The following EPHB6 variants were observed in gnomAD, a reference collection of about 807,000 sequenced individuals.
EPHB6 encodes ephrin type-B receptor 6.
Under a neutral mutation model 107.0 loss-of-function variants are expected in EPHB6, and 51 were observed. That is an observed-to-expected ratio of 0.48 (90% confidence interval 0.38 to 0.60). The LOEUF (loss-of-function observed/expected upper bound fraction) is 0.60, where lower values mean the gene tolerates loss of function less well. Among genes scored for constraint, EPHB6 ranks in the 20% least tolerant of loss-of-function variants. The pLI, the probability that EPHB6 is intolerant of heterozygous loss-of-function variation, is 0.00. For missense variants in EPHB6, 1,141 were observed against 1,355.5 expected, an observed-to-expected ratio of 0.84 and a Z score of 2.48; for synonymous variants, 553 against 549.0, an observed-to-expected ratio of 1.01 and a Z score of -0.10.
rs1586156837 is a variant in EPHB6 at position 142,863,647 on chromosome 7, C to T, written c.117C>T (p.Thr39=). Residue 39 remains threonine, a synonymous_variant, in exon 6 of 20, where the codon ACC becomes ACT. Coordinates refer to ENST00000652003, the MANE Select transcript of EPHB6 (RefSeq NM_004445.6). The part of the protein sequence containing the change: ...VLALEEVLLD[T]TGETSEIGWL... ...TCTGGGCAGAGGTATTGCTGGACAC[C>T]ACCGGAGAGACATCTGAGATTGGCT... The T allele has an allele frequency of 6.2e-7, 1 of 1,613,874 alleles. No individual in the cohort carries two copies. The highest frequency in any genetic ancestry group is 1.1e-5 in the South Asian group (1 of 91,072).
intron 1 of EPHB6, among the ~76,000 whole-genome samples, chr7:142,859,520 G>A (rs1429869495): frequency 6.6e-6 from 1 of 152,036 alleles, no homozygotes; most frequent in Non-Finnish European, 1.5e-5. Flanking sequence ...CTGCAACAGG[G>A]GTACACCCAT....
chr7:142,862,942 G>C (rs868307797), intron 4 of EPHB6, 109 bp downstream of exon 4: 12 of 501,086 alleles, frequency 2.4e-5, no homozygotes, highest in African/African-American at 1.7e-4. Flanking sequence ...ACTCCAAGAT[G>C]GTCAAATGTG....
rs2116473776 is a variant in EPHB6, at chr7:142,868,739, G to A, written c.2286G>A (p.Arg762=). 3.7e-6 allele frequency: 6 copies of A among 1,613,828 alleles called. No individual in the cohort carries two copies. Among genetic ancestry groups the A allele is most frequent in the Non-Finnish European group, 5.1e-6 (6 of 1,180,020 alleles). Residue 762 remains arginine (R), a splice_region_variant and synonymous_variant, in exon 15 of 20, where the codon AGG becomes AGA. Coordinates refer to ENST00000652003, the MANE Select transcript of EPHB6 (RefSeq NM_004445.6). This position sits in a 1 kb window ranked among gnomAD's most constrained non-coding sequence, Gnocchi z 4.2. ...TTGGCCCCCTGGACAGCTTCCTCAGGGTCAGTCCAGCCTGGGTGAAGGAGG... is the reference window on the plus strand; with the variant it reads ...TTGGCCCCCTGGACAGCTTCCTCAGAGTCAGTCCAGCCTGGGTGAAGGAGG... ...MELGPLDSFL[R]QREGQFSSLQ... is the part of the protein sequence containing the mutation.
At chr7:142,860,641 A>G (rs780249839) in intron 1 of EPHB6, among the ~76,000 whole-genome samples, 1 of 152,214 alleles carries the variant, frequency 6.6e-6, no homozygotes, top group Non-Finnish European at 1.5e-5. Context: ...AATTTGCCAT[A>G]TGGAAATGCT....
rs763847812 is a variant in EPHB6 at position 142,866,283 on chromosome 7, G to T, written c.1429G>T (p.Ala477Ser). 2.1e-5 allele frequency: 34 copies of T among 1,613,828 alleles called. No homozygotes were observed. The highest frequency in any genetic ancestry group is 2.5e-5 in the Non-Finnish European group (30 of 1,180,000). Residue 477 changes from alanine (A) to serine (S), a missense_variant, in exon 9 of 20, where the codon GCT (alanine) becomes TCT (serine). Coordinates refer to ENST00000652003, the MANE Select transcript of EPHB6 (RefSeq NM_004445.6). This position sits in a 1 kb window ranked among gnomAD's most constrained non-coding sequence, Gnocchi z 5.2. ...VSELSPDPPQ[A>S]AAINVSTSHE... ...TGAGCTCAGCCCTGACCCTCCTCAG[G>T]CTGCAGCCATCAATGTCAGCACCAG...
Position 142,866,899 on chromosome 7 carries a change from C to T in EPHB6, c.1588-7C>T, listed in dbSNP as rs759076637. The T allele has an allele frequency of 1.1e-5, 18 of 1,613,760 alleles. No homozygotes were observed. The Admixed American group carries it at 2.3e-4, about 21-fold the overall frequency. On this transcript the variant is annotated splice_polypyrimidine_tract_variant and splice_region_variant and intron_variant, in intron 10 of 19. Transcript: ENST00000652003. The surrounding 1 kb of genome is among the most constrained non-coding windows in gnomAD (Gnocchi z 5.2). ...CCAGGCAGGGAGTGAGTGGCTGTTA[C>T]CCCCAGGCAGAAGACGAATCCCACT...
chr7:142,865,691 G>A (rs1803120949), intron 8 of EPHB6, 61 bp downstream of exon 8: 1 of 1,592,238 alleles, frequency 6.3e-7, no homozygotes, highest in Non-Finnish European at 8.5e-7. Flanking sequence ...AGAAGTGGGG[G>A]TAGCAGGCAA....
chr7:142,864,053 G>A lies in EPHB6; in HGVS notation c.253G>A (p.Gly85Arg), dbSNP rs748259666. The A allele has an allele frequency of 1.3e-5, 21 of 1,613,988 alleles. No individual in the cohort carries two copies. The highest frequency in any genetic ancestry group is 2.2e-5 in the South Asian group (2 of 91,090). Residue 85 changes from glycine (G) to arginine (R), a missense_variant, in exon 7 of 20, where the codon GGG becomes AGG. Coordinates refer to ENST00000652003, the MANE Select transcript of EPHB6 (RefSeq NM_004445.6). ...CHVAGAPPGT[G>R]QDNWLQTHFV... ...TGTGGCAGGGGCCCCTCCAGGCACC[G>A]GGCAGGACAATTGGTTGCAGACACA... is the stretch of plus-strand genomic sequence containing the variant.
chr7:142,862,283 G>C (rs568346854), intron 3 of EPHB6, 150 bp downstream of exon 3: 14 of 152,262 alleles, frequency 9.2e-5, no homozygotes, highest in African/African-American at 3.1e-4. Flanking sequence ...TGAATGGAGG[G>C]GGGGCACAAA....
At chr7:142,861,457 TA>T in intron 2 of EPHB6, among the ~76,000 whole-genome samples, 1 of 152,228 alleles carries the variant, frequency 6.6e-6, no homozygotes, top group Non-Finnish European at 1.5e-5. Flanking sequence ...CAATGAAAGT[TA>T]AGTCTCCCTT....
intron 5 of EPHB6, 80 bp downstream of exon 5, chr7:142,863,407 A>G: frequency 7.7e-6 from 11 of 1,426,134 alleles, no homozygotes; most frequent in Non-Finnish European, 1.1e-5. Context: ...GATTTAGAAA[A>G]GGTAGATAAG....
rs1184839117 is a variant in EPHB6, at chr7:142,866,677, G to A, written c.1587+72G>A. The A allele has an allele frequency of 2.7e-5, 44 of 1,611,038 alleles. No individual in the cohort carries two copies. The Admixed American group carries it at 3.7e-4, about 13-fold the overall frequency. Reference sequence around the variant, plus strand: ...ATAGGCCTCACAGTGGGGCCCAGAGGTGACCAGGTGCACAGGAGGAATGAG... The same window carrying A: ...ATAGGCCTCACAGTGGGGCCCAGAGATGACCAGGTGCACAGGAGGAATGAG... On this transcript the variant is annotated intron_variant, in intron 10 of 19. Transcript: ENST00000652003. This position sits in a 1 kb window ranked among gnomAD's most constrained non-coding sequence, Gnocchi z 5.2.
chr7:142,858,602 AT>A (rs58084930), intron 1 of EPHB6, among the ~76,000 whole-genome samples: 4,514 of 130,054 alleles, frequency 0.035, 229 homozygotes, highest in African/African-American at 0.12. Flanking sequence ...CGCCCAGCTA[AT>A]TTTTTTTTTT....
In EPHB6 at chr7:142,863,254, A is replaced by G. The variant is rs1802931806; in HGVS notation, c.27A>G (p.Leu9=). ...TGGCTACTGAAGGGGCTGCCCAGTT[A>G]GGGAACAGAGTGGCGGGCATGGTGT... The part of the protein sequence containing the change: MATEGAAQ[L]GNRVAGMVCS... The change falls in exon 5 of 20, where the codon TTA becomes TTG. Residue 9 remains leucine, a synonymous_variant. Coordinates refer to ENST00000652003, the MANE Select transcript of EPHB6 (RefSeq NM_004445.6). The G allele has an allele frequency of 6.2e-7, 1 of 1,613,890 alleles. No individual in the cohort carries two copies. Among genetic ancestry groups the G allele is most frequent in the Non-Finnish European group, 8.5e-7 (1 of 1,179,960 alleles).
Position 142,863,169 on chromosome 7 carries a change from A to C in EPHB6, c.-59A>C. 1 of 1,487,608 alleles carries C rather than the reference A, an allele frequency of 6.7e-7. No homozygotes were observed. The highest frequency in any genetic ancestry group is 9.4e-7 in the Non-Finnish European group (1 of 1,069,130). The allele number at this position is 1,487,608 out of a possible 1,614,324, so 92.2% of individuals were successfully genotyped here. ...ACACCCTGAGTCTTGCAAAAGCTGC[A>C]GCCCCACCCAGGAGCAGGGTGGTGG... On this transcript the variant is annotated 5_prime_UTR_variant, in exon 5 of 20. Coordinates refer to ENST00000652003, the MANE Select transcript of EPHB6 (RefSeq NM_004445.6).
chr7:142,857,209 C>T (rs1020284978), intron 1 of EPHB6, among the ~76,000 whole-genome samples: 4 of 152,230 alleles, frequency 2.6e-5, no homozygotes, highest in African/African-American at 9.6e-5. Flanking sequence ...AGTCACAGTG[C>T]TCTGGGGGAC....
At position 142,868,175 on chromosome 7, in the gene EPHB6, T is replaced by C. The variant is rs775157616; in HGVS notation, c.1919-66T>C. The C allele has an allele frequency of 1.9e-6, 3 of 1,614,030 alleles. No individual in the cohort carries two copies. The highest frequency in any genetic ancestry group is 2.5e-6 in the Non-Finnish European group (3 of 1,179,954). On this transcript the variant is annotated intron_variant, in intron 13 of 19. Transcript: ENST00000652003. This position sits in a 1 kb window ranked among gnomAD's most constrained non-coding sequence, Gnocchi z 4.2. ...ACAACCTTCTGGAGGTAAGTGGGCA[T>C]GTCTGGGGTGCGCGGGCAGCCCTGC...
Position 142,863,501 on chromosome 7 carries a change from C to T in EPHB6, c.101-130C>T, listed in dbSNP as rs1802948782. 3.2e-6 allele frequency: 4 copies of T among 1,244,362 alleles called. No individual in the cohort carries two copies. In the South Asian group the frequency reaches 4.8e-5, roughly 15 times the overall value. 77.1% of individuals were successfully genotyped at this position (1,244,362 alleles called of 1,614,324 possible). A position where few individuals can be genotyped will look rare whatever the true frequency, so the allele number is the denominator to read the frequency against. On this transcript the variant is annotated intron_variant, in intron 5 of 19. Coordinates refer to ENST00000652003, the MANE Select transcript of EPHB6 (RefSeq NM_004445.6). ...TTGTCAGAGAAAGGACCCTGATGGA[C>T]AGCTGTGCTCCTGCTGGCAAAGACA...
At position 142,864,732 on chromosome 7, in the gene EPHB6, G is replaced by A. The variant is rs1441229320; in HGVS notation, c.932G>A (p.Gly311Glu). 1 of 1,612,872 alleles carries A rather than the reference G, an allele frequency of 6.2e-7. No homozygotes were observed. ...CAGCCTGGATACCAACCAGCACGAG[G>A]AGACAAGGCCTGCCAAGGTGAGAGC... Reference protein sequence around the residue: ...RCQPGYQPARGDKACQACPRG... With the variant: ...RCQPGYQPAREDKACQACPRG... The change falls in exon 7 of 20, where the codon GGA becomes GAA. Residue 311 changes from glycine to glutamate, a missense_variant. By Grantham distance (98) the Gly-to-Glu change is moderately conservative. Around this residue, in one of 3 missense-constraint regions of EPHB6, gnomAD observed 304 missense variants for 295.7 expected, o/e 1.03. Coordinates refer to ENST00000652003, the MANE Select transcript of EPHB6 (RefSeq NM_004445.6).
Sources: allele counts gnomAD v4.1 joint callset (sites outside exome capture counted in the v4.1 genomes callset), GRCh38; gene constraint gnomAD v4.1.1; regional missense constraint gnomAD v4.1.1; non-coding constraint Gnocchi (gnomAD v3.1); transcripts MANE v1.5; gene names NCBI Gene and HGNC (gene_info 2026-07-23, HGNC 2026-07-21).